Variants in ROR1 observed in about 807,000 individuals in gnomAD.
ROR1 encodes the protein inactive tyrosine-protein kinase transmembrane receptor ROR1.
A neutral mutation model predicts 78.8 loss-of-function variants in ROR1; 19 were observed. The observed-to-expected ratio is 0.24, with a 90% CI of 0.17 to 0.35. ROR1 has a LOEUF of 0.35. ROR1 is among the 10% of genes least tolerant of loss of function. The pLI is 1.00. For synonymous variants in ROR1, 386 were observed against 433.6 expected (o/e 0.89, Z 1.36); for missense variants, 917 against 1,177.8 (o/e 0.78, Z 3.24).
intron 1 of ROR1, among the ~76,000 whole-genome samples, chr1:63,921,786 C>T (rs1024829697): frequency 5.3e-5 from 8 of 152,114 alleles, no homozygotes; most frequent in Admixed American, 2.0e-4. Flanking sequence ...TTCAGTGTCC[C>T]GATATCCTCA....
chr1:64,085,351 G>A (rs184525357), intron 4 of ROR1, among the ~76,000 whole-genome samples: 27 of 151,586 alleles, frequency 1.8e-4, no homozygotes, highest in African/African-American at 5.5e-4. Context: ...AGAGTGGCTC[G>A]TGCGTTGGGT....
intron 7 of ROR1, among the ~76,000 whole-genome samples, chr1:64,150,746 A>G (rs1324359): frequency 0.34 from 52,466 of 152,140 alleles, 9,939 homozygotes; most frequent in East Asian, 0.48. Context: ...TCCAGTCTCT[A>G]TACATTTTCA....
intron 4 of ROR1, among the ~76,000 whole-genome samples, chr1:64,051,993 G>A (rs1159171879): frequency 1.3e-5 from 2 of 152,214 alleles, no homozygotes; most frequent in African/African-American, 2.4e-5. Flanking sequence ...TAGGTAATGG[G>A]TAAAAATAAA....
At chr1:63,941,461 A>T (rs1645839578) in intron 1 of ROR1, among the ~76,000 whole-genome samples, 1 of 152,228 alleles carries the variant, frequency 6.6e-6, no homozygotes, top group Admixed American at 6.5e-5. Flanking sequence ...ATAATTTCAA[A>T]GTAAAAGGTT....
chr1:64,060,837 A>G (rs2100604994), intron 4 of ROR1, among the ~76,000 whole-genome samples: 1 of 152,366 alleles, frequency 6.6e-6, no homozygotes, highest in South Asian at 2.1e-4. Flanking sequence ...TAAAATGTAC[A>G]GAAGTTTGAG....
At position 64,083,920 on chromosome 1, in the gene ROR1, G is replaced by T. The variant is rs568030535; in HGVS notation, c.482+33204G>T. Among the ~76,000 whole-genome samples, 62 of 152,290 alleles carry T rather than the reference G, an allele frequency of 4.1e-4. No individual in the cohort carries two copies. In the South Asian group the frequency reaches 0.012, roughly 31 times the overall value. The stretch of plus-strand genomic sequence containing the variant: ...GTTATTCCTTAAGAAATGTGATGGG[G>T]CAAAGGAAAATCTTGCCTTAAATGC... On this transcript the variant is annotated intron_variant, in intron 4 of 8. Transcript: ENST00000371079.
intron 1 of ROR1, among the ~76,000 whole-genome samples, chr1:63,905,399 A>G (rs1645520402): frequency 6.6e-6 from 1 of 152,206 alleles, no homozygotes; most frequent in Non-Finnish European, 1.5e-5. Context: ...CAGGATATTA[A>G]CAAGTTTTAA....
At chr1:64,113,588 A>G (rs1348106678) in intron 4 of ROR1, 1 of 152,130 alleles carries the variant, frequency 6.6e-6, no homozygotes, top group Non-Finnish European at 1.5e-5. Context: ...CTCGGGAAAA[A>G]TGAGGGAGAG....
At chr1:63,813,371 C>T (rs957837264) in intron 1 of ROR1, among the ~76,000 whole-genome samples, 1 of 152,180 alleles carries the variant, frequency 6.6e-6, no homozygotes, top group Admixed American at 6.5e-5. Flanking sequence ...GAACTGGGTA[C>T]CTAGCACATA....
intron 4 of ROR1, among the ~76,000 whole-genome samples, chr1:64,134,588 T>G (rs1443254719): frequency 6.6e-6 from 1 of 152,080 alleles, no homozygotes. Flanking sequence ...CATGTTTGGT[T>G]TTTTTCAGTG....
intron 1 of ROR1, among the ~76,000 whole-genome samples, chr1:63,937,297 C>G (rs530681797): frequency 3.3e-5 from 5 of 152,304 alleles, no homozygotes; most frequent in African/African-American, 1.2e-4. Flanking sequence ...CCATCCCAGA[C>G]CCATTGCCAC....
At chr1:64,129,101 A>AT (rs1271185562) in intron 4 of ROR1, among the ~76,000 whole-genome samples, 1 of 152,178 alleles carries the variant, frequency 6.6e-6, no homozygotes, top group African/African-American at 2.4e-5. Flanking sequence ...TAAACTCACC[A>AT]TTGCTTTTTA....
intron 1 of ROR1, among the ~76,000 whole-genome samples, chr1:63,910,934 GT>G (rs1272966393): frequency 6.6e-6 from 1 of 152,190 alleles, no homozygotes; most frequent in Non-Finnish European, 1.5e-5. Context: ...CTATTTAACA[GT>G]TTTGGTTTTT....
chr1:63,991,335 A>G (rs979254639), intron 1 of ROR1, among the ~76,000 whole-genome samples: 1 of 152,204 alleles, frequency 6.6e-6, no homozygotes, highest in Non-Finnish European at 1.5e-5. Flanking sequence ...TGTGACTTCT[A>G]CATTAACCAC....
At chr1:63,906,675 C>T (rs1277066454) in intron 1 of ROR1, among the ~76,000 whole-genome samples, 2 of 152,162 alleles carry the variant, frequency 1.3e-5, no homozygotes, top group Admixed American at 1.3e-4. Flanking sequence ...GCAAGAGAGG[C>T]AGTTAGTGAA....
chr1:64,113,227 G>T (rs2806536), intron 4 of ROR1, among the ~76,000 whole-genome samples: 1 of 151,938 alleles, frequency 6.6e-6, no homozygotes, highest in African/African-American at 2.4e-5. Flanking sequence ...ATTCAAGAAT[G>T]TGCATACATT....
At chr1:63,974,756 G>C (rs1425920152) in intron 1 of ROR1, among the ~76,000 whole-genome samples, 1 of 152,104 alleles carries the variant, frequency 6.6e-6, no homozygotes, top group Non-Finnish European at 1.5e-5. Flanking sequence ...TCCTGCCTCA[G>C]CCTCCTGAGT....
intron 1 of ROR1, among the ~76,000 whole-genome samples, chr1:63,868,467 T>G (rs1645230725): frequency 6.6e-6 from 1 of 152,164 alleles, no homozygotes; most frequent in African/African-American, 2.4e-5. Context: ...AGACCTGGGA[T>G]CAAATTCAGG....
Position 64,009,321 on chromosome 1 carries a change from C to G in ROR1, c.108C>G (p.Val36=). 6.2e-7 allele frequency: 1 copy of G among 1,613,230 alleles called. No homozygotes were observed. Among genetic ancestry groups the G allele is most frequent in the Non-Finnish European group, 8.5e-7 (1 of 1,179,270 alleles). ...GAAAQETELS[V]SAELVPTSSW... ...TCTTTTCAGAAACAGAGCTGTCAGT[C>G]AGTGCTGAATTAGTGCCTACCTCAT... Residue 36 remains valine (V), a synonymous_variant, in exon 2 of 9, where the codon GTC becomes GTG. Transcript: ENST00000371079.
Sources: allele counts gnomAD v4.1 joint callset (sites outside exome capture counted in the v4.1 genomes callset), GRCh38; gene constraint gnomAD v4.1.1; transcripts MANE v1.5; gene names NCBI Gene and HGNC (gene_info 2026-07-23, HGNC 2026-07-21).